The following LRRTM3 variants were observed in gnomAD, a reference collection of about 807,000 sequenced individuals.
LRRTM3 encodes the protein leucine-rich repeat transmembrane neuronal protein 3.
LRRTM3 carries 24 observed loss-of-function variants against 44.7 expected under a neutral mutation model. The observed-to-expected ratio is 0.54, with a 90% CI of 0.39 to 0.76. The LOEUF (loss-of-function observed/expected upper bound fraction) is 0.76, where lower values mean the gene tolerates loss of function less well. LRRTM3 is among the 30% of genes least tolerant of loss of function. The pLI is 0.00. For synonymous variants in LRRTM3, 277 were observed against 278.7 expected (o/e 0.99, Z 0.06); for missense variants, 587 against 702.2 (o/e 0.84, Z 1.85).
rs1311760867 is a variant in LRRTM3, at chr10:67,030,617, A to G, written c.1537-66970A>G. On this transcript the variant is annotated intron_variant, in intron 2 of 2. Transcript: ENST00000361320. ...TCTGATTTTGCATATTTTCATGAAG[A>G]TATTATGTAGATCAATATATTTGTT... 3.3e-5 allele frequency among the ~76,000 whole-genome samples: 5 copies of G among 152,184 alleles called. No individual in the cohort carries two copies. The East Asian group carries it at 9.6e-4, about 29-fold the overall frequency.
At chr10:66,961,135 C>T (rs1849088887) in intron 2 of LRRTM3, among the ~76,000 whole-genome samples, 1 of 152,132 alleles carries the variant, frequency 6.6e-6, no homozygotes, top group African/African-American at 2.4e-5. Flanking sequence ...AAACTGCCAT[C>T]ATTTCAAAAA....
chr10:66,945,559 T>C (rs998361115), intron 2 of LRRTM3, among the ~76,000 whole-genome samples: 4 of 152,192 alleles, frequency 2.6e-5, no homozygotes, highest in Non-Finnish European at 4.4e-5. Flanking sequence ...TCTGTTTTGG[T>C]TTCTTATCAT....
intron 2 of LRRTM3, among the ~76,000 whole-genome samples, chr10:66,999,497 T>C (rs572419259): frequency 6.6e-6 from 1 of 150,714 alleles, no homozygotes; most frequent in South Asian, 2.1e-4. Context: ...GATTATGCCA[T>C]AAAATCCATT....
chr10:67,054,918 T>G (rs1288169644), intron 2 of LRRTM3: 1 of 152,174 alleles, frequency 6.6e-6, no homozygotes, highest in Non-Finnish European at 1.5e-5. Flanking sequence ...CAAATGACTG[T>G]CATTATAATG....
intron 2 of LRRTM3, among the ~76,000 whole-genome samples, chr10:66,993,917 G>T (rs1851183081): frequency 6.6e-6 from 1 of 152,052 alleles, no homozygotes; most frequent in Admixed American, 6.6e-5. Flanking sequence ...CCAACATTTA[G>T]ACTAAGCTCT....
chr10:66,977,655 C>G (rs565631236), intron 2 of LRRTM3, among the ~76,000 whole-genome samples: 1 of 152,086 alleles, frequency 6.6e-6, no homozygotes, highest in Non-Finnish European at 1.5e-5. Flanking sequence ...TAAGCTGGGC[C>G]TTGTATGTTT....
intron 2 of LRRTM3, among the ~76,000 whole-genome samples, chr10:67,023,678 A>G (rs752834150): frequency 6.6e-6 from 1 of 152,216 alleles, no homozygotes; most frequent in Non-Finnish European, 1.5e-5. Context: ...AATTGAGTCA[A>G]TATGTATCGA....
In LRRTM3 at chr10:66,927,875, T is replaced by C. The variant is rs1847160073; in HGVS notation, c.959T>C (p.Ile320Thr). 1 of 1,614,104 alleles carries C rather than the reference T, an allele frequency of 6.2e-7. No homozygotes were observed. Among genetic ancestry groups the C allele is most frequent in the South Asian group, 1.1e-5 (1 of 91,092 alleles). The change falls in exon 2 of 3, where the codon ATT becomes ACT. Residue 320 changes from isoleucine (I) to threonine (T), a missense_variant. By Grantham distance (89) the Ile-to-Thr change is moderately conservative (BLOSUM62 -1). Transcript: ENST00000361320. The surrounding 1 kb of genome is among the most constrained non-coding windows in gnomAD (Gnocchi z 4.7). ...AGNIWECSRN[I>T]CSLVNWLKSF... ...AATATATGGGAATGCAGCAGAAATA[T>C]TTGCTCCCTTGTAAACTGGCTGAAA...
intron 2 of LRRTM3, among the ~76,000 whole-genome samples, chr10:67,034,106 C>T (rs1280503212): frequency 6.6e-6 from 1 of 152,096 alleles, no homozygotes; most frequent in Non-Finnish European, 1.5e-5. Context: ...TAAGCTGACA[C>T]ATTGTTAGAA....
At chr10:66,979,232 T>C (rs1355718008) in intron 2 of LRRTM3, among the ~76,000 whole-genome samples, 1 of 152,044 alleles carries the variant, frequency 6.6e-6, no homozygotes, top group Non-Finnish European at 1.5e-5. Flanking sequence ...CCTCCCAAAG[T>C]GCTGGGATTA....
At chr10:67,040,592 A>G (rs1051889338) in intron 2 of LRRTM3, among the ~76,000 whole-genome samples, 1 of 152,052 alleles carries the variant, frequency 6.6e-6, no homozygotes, top group African/African-American at 2.4e-5. Flanking sequence ...TTTTTTCTAG[A>G]TGGATTAGAG....
chr10:66,948,402 A>T (rs1589471394), intron 2 of LRRTM3, among the ~76,000 whole-genome samples: 1 of 152,232 alleles, frequency 6.6e-6, no homozygotes, highest in East Asian at 1.9e-4. Flanking sequence ...ATAGGATAAA[A>T]GACAAATGCA....
At chr10:66,957,662 C>A (rs1370602453) in intron 2 of LRRTM3, among the ~76,000 whole-genome samples, 1 of 151,626 alleles carries the variant, frequency 6.6e-6, no homozygotes, top group Non-Finnish European at 1.5e-5. Flanking sequence ...ATCCAGCAAA[C>A]CTTTGCAAAA....
chr10:66,935,546 T>C (rs1847648285), intron 2 of LRRTM3, among the ~76,000 whole-genome samples: 1 of 152,060 alleles, frequency 6.6e-6, no homozygotes, highest in Admixed American at 6.6e-5. Context: ...AAATGGAATA[T>C]TTAAAGATCT....
intron 2 of LRRTM3, among the ~76,000 whole-genome samples, chr10:67,058,344 T>G (rs956376798): frequency 1.3e-5 from 2 of 152,250 alleles, no homozygotes; most frequent in African/African-American, 4.8e-5. Context: ...CATATTGTTT[T>G]ATGTATTACA....
At chr10:66,930,056 A>T (rs1462593418) in intron 2 of LRRTM3, among the ~76,000 whole-genome samples, 1 of 151,604 alleles carries the variant, frequency 6.6e-6, no homozygotes, top group Non-Finnish European at 1.5e-5. Context: ...ATTTTTACTA[A>T]TTTTTTTTTA....
At position 67,003,458 on chromosome 10, in the gene LRRTM3, G is replaced by A. The variant is rs183566599; in HGVS notation, c.1536+75006G>A. On this transcript the variant is annotated intron_variant, in intron 2 of 2. Transcript: ENST00000361320. ...ATATTGCTCAAAAAAATCAGAGTGC[G>A]GAGAGGTTCCAAGATCGAATACTTT... 1.1e-3 allele frequency among the ~76,000 whole-genome samples: 161 copies of A among 152,176 alleles called. No individual in the cohort carries two copies. In the Middle Eastern group the frequency reaches 0.024, roughly 23 times the overall value.
chr10:66,968,370 G>GA, intron 2 of LRRTM3, among the ~76,000 whole-genome samples: 1 of 148,296 alleles, frequency 6.7e-6, no homozygotes, highest in South Asian at 2.1e-4. Context: ...AAAACACATC[G>GA]AAAAAAGATA....
At position 67,029,390 on chromosome 10, in the gene LRRTM3, G is replaced by C. The variant is rs112113784; in HGVS notation, c.1537-68197G>C. Among the ~76,000 whole-genome samples, 424 of 152,248 alleles carry C rather than the reference G, an allele frequency of 2.8e-3. 2 individuals carry two copies. The highest frequency in any genetic ancestry group is 9.8e-3 in the African/African-American group (406 of 41,556). ...GTTCAGAGCAGGTTGATTGATAAAT[G>C]GGGAAGACCTATAAAGAGAGGTTAA... On this transcript the variant is annotated intron_variant, in intron 2 of 2. Transcript: ENST00000361320.
Sources: gnomAD v4.1 joint callset for allele counts (sites outside exome capture counted in the v4.1 genomes callset) on GRCh38, gnomAD v4.1.1 for gene constraint, Gnocchi (gnomAD v3.1) non-coding constraint, MANE v1.5 for transcripts, NCBI Gene and HGNC (gene_info 2026-07-23, HGNC 2026-07-21) for gene names.